SLC39A12: variants seen among roughly 807,000 people sequenced by gnomAD.
SLC39A12 encodes the protein solute carrier family 39 member 12.
A neutral mutation model predicts 71.1 loss-of-function variants in SLC39A12; 63 were observed. The ratio of observed to expected loss-of-function variants is 0.89; its 90% CI spans 0.72 to 1.09. SLC39A12 has a LOEUF of 1.09. Among genes scored for constraint, SLC39A12 ranks in the 50% least tolerant of loss-of-function variants. SLC39A12 has a pLI of 0.00. For missense variants in SLC39A12, 892 were observed against 812.6 expected (o/e 1.10, Z -1.19); for synonymous variants, 351 against 301.3 (o/e 1.16, Z -1.71).
intron 2 of SLC39A12, among the ~76,000 whole-genome samples, chr10:17,954,047 G>A (rs2130766273): frequency 6.6e-6 from 1 of 152,260 alleles, no homozygotes; most frequent in Admixed American, 6.5e-5. Context: ...TGGGGAGACA[G>A]ATGCTGCAGG....
At chr10:17,959,656 T>C (rs1363455519) in intron 2 of SLC39A12, among the ~76,000 whole-genome samples, 1 of 152,222 alleles carries the variant, frequency 6.6e-6, no homozygotes, top group African/African-American at 2.4e-5. Context: ...TCTCAGATCC[T>C]GTGAGAATTC....
At chr10:17,958,347 A>G (rs1834602109) in intron 2 of SLC39A12, among the ~76,000 whole-genome samples, 1 of 152,104 alleles carries the variant, frequency 6.6e-6, no homozygotes, top group Non-Finnish European at 1.5e-5. Flanking sequence ...ACCCAGCCCC[A>G]TCAAACAACC....
intron 12 of SLC39A12, among the ~76,000 whole-genome samples, chr10:18,021,024 T>C (rs947668188): frequency 3.9e-5 from 6 of 152,146 alleles, no homozygotes; most frequent in Non-Finnish European, 8.8e-5. Flanking sequence ...TTTTGGAGTC[T>C]CTGTCATGAA....
At chr10:17,975,759 G>A (rs1564643632) in intron 4 of SLC39A12, among the ~76,000 whole-genome samples, 1 of 152,192 alleles carries the variant, frequency 6.6e-6, no homozygotes, top group Admixed American at 6.5e-5. Flanking sequence ...CGCCGTCCTT[G>A]TGGCCTAGAC....
intron 12 of SLC39A12, among the ~76,000 whole-genome samples, chr10:18,010,306 A>G (rs1010623219): frequency 2.0e-5 from 3 of 152,184 alleles, no homozygotes; most frequent in East Asian, 1.9e-4. Flanking sequence ...CCACAGGAAG[A>G]GATTTTGTTT....
intron 12 of SLC39A12, among the ~76,000 whole-genome samples, chr10:18,019,910 A>G (rs191180702): frequency 4.3e-4 from 66 of 152,220 alleles, no homozygotes; most frequent in African/African-American, 1.3e-3. Flanking sequence ...ATAGATGTCA[A>G]TTATGTCCAA....
intron 5 of SLC39A12, among the ~76,000 whole-genome samples, chr10:17,981,108 G>A (rs1433893260): frequency 6.6e-6 from 1 of 152,144 alleles, no homozygotes; most frequent in Non-Finnish European, 1.5e-5. Context: ...TGAAAATGAG[G>A]TATTGCAGGC....
intron 6 of SLC39A12, among the ~76,000 whole-genome samples, chr10:17,983,537 A>C (rs1274842499): frequency 6.6e-6 from 1 of 152,118 alleles, no homozygotes; most frequent in Non-Finnish European, 1.5e-5. Context: ...TAATCCCAGC[A>C]CTTTGGGAGG....
intron 9 of SLC39A12, among the ~76,000 whole-genome samples, chr10:17,994,580 T>G (rs1835637890): frequency 6.6e-6 from 1 of 152,212 alleles, no homozygotes; most frequent in Non-Finnish European, 1.5e-5. Context: ...TATAAAGCAT[T>G]GTGATTACAA....
chr10:17,962,703 C>T (rs916400446), intron 3 of SLC39A12, among the ~76,000 whole-genome samples: 5 of 152,290 alleles, frequency 3.3e-5, no homozygotes, highest in East Asian at 1.9e-4. Flanking sequence ...GACCAGCAAA[C>T]ATATCCTCTA....
chr10:17,984,715 T>A (rs926616435), intron 6 of SLC39A12, among the ~76,000 whole-genome samples: 2 of 152,326 alleles, frequency 1.3e-5, no homozygotes, highest in South Asian at 4.1e-4. Context: ...TGAAATACAG[T>A]TCGCCATCTT....
chr10:17,987,384 T>G (rs1589232789), intron 6 of SLC39A12, 95 bp from the exon 7 acceptor site: 48 of 1,097,342 alleles, frequency 4.4e-5, no homozygotes, highest in Non-Finnish European at 8.1e-6. Context: ...CTACTGGCTG[T>G]TACTGTAAGA....
chr10:17,977,953 A>C lies in SLC39A12; in HGVS notation c.803A>C (p.Asn268Thr), dbSNP rs79672531. 956 of 1,612,026 alleles carry C rather than the reference A, an allele frequency of 5.9e-4. 4 individuals are homozygous for C. In the African/African-American group the frequency reaches 0.012, roughly 20 times the overall value. The stretch of plus-strand genomic sequence containing the variant: ...TGGACCAGAAGTACTTGTATCAAAA[A>C]TGAGAAAATCCATCAATTTCAAAGG... ...TLWTRSTCIK[N>T]EKIHQFQRKQ... Residue 268 changes from asparagine (N) to threonine (T), a missense_variant, in exon 5 of 13, where the codon AAT (asparagine) becomes ACT (threonine). Transcript: ENST00000377369.
At chr10:17,952,756 G>C (rs1834436354) in intron 1 of SLC39A12, among the ~76,000 whole-genome samples, 1 of 152,054 alleles carries the variant, frequency 6.6e-6, no homozygotes. Flanking sequence ...CAAAGTGCTG[G>C]GATTACTGGT....
intron 4 of SLC39A12, among the ~76,000 whole-genome samples, chr10:17,967,030 A>G (rs1834843774): frequency 6.6e-6 from 1 of 152,100 alleles, no homozygotes; most frequent in East Asian, 1.9e-4. Flanking sequence ...AATTATTTTT[A>G]TTGAATCAGG....
chr10:17,996,207 CT>C (rs1835679217), intron 10 of SLC39A12, among the ~76,000 whole-genome samples: 2 of 152,172 alleles, frequency 1.3e-5, no homozygotes, highest in Non-Finnish European at 2.9e-5. Flanking sequence ...TATTCTATAA[CT>C]CATTTGTTCA....
intron 12 of SLC39A12, among the ~76,000 whole-genome samples, chr10:18,006,666 A>G (rs1284330374): frequency 6.6e-6 from 1 of 152,194 alleles, no homozygotes; most frequent in Non-Finnish European, 1.5e-5. Context: ...GGCTCAAGAA[A>G]TATGCCTCAG....
chr10:17,966,907 G>A (rs1250362893), intron 4 of SLC39A12, among the ~76,000 whole-genome samples: 1 of 152,062 alleles, frequency 6.6e-6, no homozygotes, highest in Non-Finnish European at 1.5e-5. Context: ...CCAGGAGGCA[G>A]AGGTTGCGGT....
chr10:17,996,866 C>T (rs890155610), intron 10 of SLC39A12, among the ~76,000 whole-genome samples: 15 of 151,858 alleles, frequency 9.9e-5, no homozygotes, highest in African/African-American at 3.6e-4. Flanking sequence ...GGCGTAGTGG[C>T]GGGCTCCTGT....
Sources: allele counts gnomAD v4.1 joint callset (sites outside exome capture counted in the v4.1 genomes callset), GRCh38; gene constraint gnomAD v4.1.1; transcripts MANE v1.5; gene names NCBI Gene and HGNC (gene_info 2026-07-23, HGNC 2026-07-21).